Variants in MTHFD1L observed in about 807,000 individuals in gnomAD.
MTHFD1L encodes the protein monofunctional C1-tetrahydrofolate synthase, mitochondrial.
A neutral mutation model predicts 119.5 loss-of-function variants in MTHFD1L; 81 were observed. That is an observed-to-expected ratio of 0.68 (90% CI 0.57 to 0.82). The LOEUF is 0.82. Ranked by LOEUF, MTHFD1L falls within the 40% of genes least tolerant of loss-of-function variation. The probability of loss-of-function intolerance (pLI) is 0.00; values close to 1 mark genes in which losing one functional copy is unlikely to be tolerated. For missense variants in MTHFD1L, 1,125 were observed against 1,253.4 expected, an observed-to-expected ratio of 0.90 and a Z score of 1.55; for synonymous variants, 430 against 475.2, an observed-to-expected ratio of 0.90 and a Z score of 1.24.
chr6:150,921,109 C>A (rs571777344), intron 9 of MTHFD1L, among the ~76,000 whole-genome samples: 1 of 147,382 alleles, frequency 6.8e-6, no homozygotes, highest in South Asian at 2.2e-4. Flanking sequence ...ATGCCACCAC[C>A]ACGCCCGGCT....
intron 24 of MTHFD1L, among the ~76,000 whole-genome samples, chr6:151,024,582 C>G (rs1427915697): frequency 6.6e-6 from 1 of 152,056 alleles, no homozygotes; most frequent in Non-Finnish European, 1.5e-5. Flanking sequence ...TAATCTCAAC[C>G]CTTTGGGAGA....
intron 20 of MTHFD1L, among the ~76,000 whole-genome samples, chr6:150,984,063 G>A (rs1216601546): frequency 2.6e-5 from 4 of 152,126 alleles, no homozygotes; most frequent in Non-Finnish European, 4.4e-5. Flanking sequence ...GAACCACTGC[G>A]CCCATCCAAA....
rs1239813978 is a variant in MTHFD1L at position 151,037,034 on chromosome 6, G to A, written c.2764G>A (p.Gly922Ser). The A allele has an allele frequency of 6.2e-7, 1 of 1,611,976 alleles. No individual in the cohort carries two copies. The highest frequency in any genetic ancestry group is 8.5e-7 in the Non-Finnish European group (1 of 1,179,850). Residue 922 changes from glycine (G) to serine (S), a missense_variant, in exon 26 of 28, where the codon GGT becomes AGT. This residue lies in a region of MTHFD1L where 61 missense variants were observed against 78.9 expected (regional missense o/e 0.77). Transcript: ENST00000367321. ...TCTATCTCACCAACCTGACAAAAAAGGTGTGCCAAGGGACTTCATCTTACC... is the reference window on the plus strand; with the variant it reads ...TCTATCTCACCAACCTGACAAAAAAAGTGTGCCAAGGGACTTCATCTTACC... The part of the protein sequence containing the change: ...LSLSHQPDKK[G>S]VPRDFILPIS...
intron 24 of MTHFD1L, among the ~76,000 whole-genome samples, chr6:151,021,728 T>G (rs1783971616): frequency 6.6e-6 from 1 of 152,180 alleles, no homozygotes; most frequent in African/African-American, 2.4e-5. Flanking sequence ...GAATTAGAAG[T>G]CAAGTCTCCT....
At position 151,090,919 on chromosome 6, in the gene MTHFD1L, GTTCCATGCGA is replaced by G. The variant is rs1794333817; in HGVS notation, c.2848-1547_2848-1538del. Among the ~76,000 whole-genome samples, 6 of 131,628 alleles carry G rather than the reference GTTCCATGCGA, an allele frequency of 4.6e-5. 1 individual carries two copies. Among genetic ancestry groups the G allele is most frequent in the African/African-American group, 1.4e-4 (5 of 35,170 alleles). The allele number at this position is 131,628 out of a possible 152,430, so 86.4% of individuals were successfully genotyped here. On this transcript the variant is annotated intron_variant, in intron 26 of 27. Coordinates refer to ENST00000367321, the MANE Select transcript of MTHFD1L (RefSeq NM_015440.5). Reference sequence around the variant, plus strand: ...GCCCCATGCGACTGGGTGCAGCATCGTTCCATGCGACTGGGTGCAGCATCGTTCCATGCGA... The same window carrying G: ...GCCCCATGCGACTGGGTGCAGCATCGCTGGGTGCAGCATCGTTCCATGCGA...
intron 19 of MTHFD1L, among the ~76,000 whole-genome samples, chr6:150,969,835 G>A (rs534293411): frequency 1.3e-5 from 2 of 152,174 alleles, no homozygotes; most frequent in South Asian, 4.1e-4. Flanking sequence ...ACCATCTTCA[G>A]GATGTTCCGT....
At chr6:151,010,628 T>C (rs1782079433) in intron 21 of MTHFD1L, among the ~76,000 whole-genome samples, 1 of 152,218 alleles carries the variant, frequency 6.6e-6, no homozygotes, top group South Asian at 2.1e-4. Flanking sequence ...AAAGGAAATA[T>C]ATTCCTTTCC....
At chr6:151,049,627 A>G (rs1788694332) in intron 26 of MTHFD1L, among the ~76,000 whole-genome samples, 1 of 147,074 alleles carries the variant, frequency 6.8e-6, no homozygotes. Context: ...CTGCCACTGC[A>G]CTCCAGCCTG....
intron 26 of MTHFD1L, among the ~76,000 whole-genome samples, chr6:151,071,417 A>G (rs959596078): frequency 6.6e-6 from 1 of 152,174 alleles, no homozygotes; most frequent in Non-Finnish European, 1.5e-5. Context: ...TAATGGGCTG[A>G]TCGTACTGCT....
intron 27 of MTHFD1L, chr6:151,099,916 A>G: frequency 1.5e-6 from 2 of 1,290,478 alleles, no homozygotes; most frequent in South Asian, 1.2e-5. Flanking sequence ...CAGGCTGTGC[A>G]GCGAAGAAAA....
intron 20 of MTHFD1L, among the ~76,000 whole-genome samples, chr6:150,980,815 T>C (rs7752450): frequency 0.086 from 13,082 of 152,132 alleles, 1,304 homozygotes; most frequent in East Asian, 0.54. Context: ...TCCCGTTCTT[T>C]TTTCTGCTTC....
At chr6:150,879,960 G>A (rs890462707) in intron 4 of MTHFD1L, among the ~76,000 whole-genome samples, 5 of 152,014 alleles carry the variant, frequency 3.3e-5, no homozygotes, top group Non-Finnish European at 7.4e-5. Flanking sequence ...CTTGATTTTC[G>A]TCGTTGTTGT....
chr6:150,932,240 T>C (rs929523858), intron 11 of MTHFD1L, among the ~76,000 whole-genome samples: 4 of 149,912 alleles, frequency 2.7e-5, no homozygotes, highest in Non-Finnish European at 5.9e-5. Context: ...ACAGGTGATG[T>C]GATAGCGGTG....
chr6:151,045,340 C>A (rs1249222071), intron 26 of MTHFD1L, among the ~76,000 whole-genome samples: 1 of 152,184 alleles, frequency 6.6e-6, no homozygotes, highest in African/African-American at 2.4e-5. Context: ...CCACTCCCCC[C>A]AGCAGGTCCG....
chr6:150,866,421 G>C, intron 1 of MTHFD1L: 1 of 1,355,580 alleles, frequency 7.4e-7, no homozygotes, highest in Non-Finnish European at 9.4e-7. Flanking sequence ...CGGAAACCAG[G>C]GGAGGGGGCG....
intron 11 of MTHFD1L, among the ~76,000 whole-genome samples, chr6:150,928,551 GCTTTT>G (rs1790445624): frequency 6.9e-6 from 1 of 144,774 alleles, no homozygotes; most frequent in Non-Finnish European, 1.5e-5. Flanking sequence ...TCTTTGTGTA[GCTTTT>G]CTTTTTTTTT....
At chr6:151,092,347 C>A in intron 26 of MTHFD1L, 120 bp from the exon 27 acceptor site, 1 of 690,938 alleles carries the variant, frequency 1.4e-6, no homozygotes. Flanking sequence ...AGAGATATAT[C>A]CCATATAAAA....
chr6:150,866,731 G>T, intron 1 of MTHFD1L: 1 of 1,070,280 alleles, frequency 9.3e-7, no homozygotes. Flanking sequence ...GAGTCCCCGC[G>T]CAGCTGGGTT....
intron 26 of MTHFD1L, among the ~76,000 whole-genome samples, chr6:151,064,413 G>C (rs1790994649): frequency 6.6e-6 from 1 of 151,676 alleles, no homozygotes; most frequent in African/African-American, 2.4e-5. Flanking sequence ...CCCCGGATTC[G>C]AGTGATTCTC....
Sources: gnomAD v4.1 joint callset for allele counts (sites outside exome capture counted in the v4.1 genomes callset) on GRCh38, gnomAD v4.1.1 for gene constraint, gnomAD v4.1.1 regional missense constraint, MANE v1.5 for transcripts, NCBI Gene and HGNC (gene_info 2026-07-23, HGNC 2026-07-21) for gene names.